HYOU1: variants seen among roughly 807,000 people sequenced by gnomAD.
The protein encoded by HYOU1 is hypoxia up-regulated 1.
Under a neutral mutation model 120.5 loss-of-function variants are expected in HYOU1, and 40 were observed. The ratio of observed to expected loss-of-function variants is 0.33; its 90% CI spans 0.26 to 0.43. The LOEUF (loss-of-function observed/expected upper bound fraction) is 0.43. Ranked by LOEUF, HYOU1 falls within the 20% of genes least tolerant of loss-of-function variation. The pLI, the probability that HYOU1 is intolerant of heterozygous loss-of-function variation, is 1.00. For missense variants in HYOU1, 1,085 were observed against 1,278.3 expected, an observed-to-expected ratio of 0.85 and a Z score of 2.31; for synonymous variants, 501 against 479.4, an observed-to-expected ratio of 1.05 and a Z score of -0.59.
chr11:119,047,566 G>A (rs2133557106), intron 22 of HYOU1, 168 bp downstream of exon 22: 15 of 620,604 alleles, frequency 2.4e-5, no homozygotes, highest in Non-Finnish European at 4.0e-5. Context: ...TATGGCCATG[G>A]CCCTTGCTTG....
Position 119,052,870 on chromosome 11 carries a change from T to C in HYOU1, c.795-41A>G, listed in dbSNP as rs1944529319. On this transcript the variant is annotated intron_variant, in intron 8 of 25. Coordinates refer to ENST00000617285, the MANE Select transcript of HYOU1 (RefSeq NM_006389.5). The surrounding 1 kb of genome is among the most constrained non-coding windows in gnomAD (Gnocchi z 5.0). ...AGCAGGGAAAAAAGTGAAGAACACATGGAGTCCCCGCATCTGCACAGGAGC... is the reference window on the plus strand; with the variant it reads ...AGCAGGGAAAAAAGTGAAGAACACACGGAGTCCCCGCATCTGCACAGGAGC... The C allele has an allele frequency of 6.4e-7, 1 of 1,570,276 alleles. No individual in the cohort carries two copies. The highest frequency in any genetic ancestry group is 8.7e-7 in the Non-Finnish European group (1 of 1,153,420).
chr11:119,045,870 A>G, intron 24 of HYOU1, 39 bp from the exon 25 acceptor site: 5 of 1,605,644 alleles, frequency 3.1e-6, no homozygotes, highest in Non-Finnish European at 4.3e-6. Context: ...CTCAGAAGGG[A>G]GGAAGAGGCT....
Position 119,054,657 on chromosome 11 carries a change from G to C in HYOU1, c.515C>G (p.Ala172Gly). Reference protein sequence around the residue: ...EDFAEQPIKDAVITVPVFFNQ... With the variant: ...EDFAEQPIKDGVITVPVFFNQ... ...GAAGAAGACTGGCACGGTGATCACT[G>C]CATCCTTGATGGGCTGCTCTACAGA... Residue 172 changes from alanine to glycine, a missense_variant, in exon 7 of 26, where the codon GCA (alanine) becomes GGA (glycine). By Grantham distance (60) the Ala-to-Gly change is moderately conservative. Transcript: ENST00000617285. 1 of 1,612,682 alleles carries C rather than the reference G, an allele frequency of 6.2e-7. No homozygotes were observed. The highest frequency in any genetic ancestry group is 8.5e-7 in the Non-Finnish European group (1 of 1,179,978).
chr11:119,052,564 C>T lies in HYOU1; in HGVS notation c.987+73G>A. 3 of 1,571,260 alleles carry T rather than the reference C, an allele frequency of 1.9e-6. No individual in the cohort carries two copies. Among genetic ancestry groups the T allele is most frequent in the Non-Finnish European group, 2.6e-6 (3 of 1,153,468 alleles). ...CATGGGCCATGCCAGGCACGAGCAG[C>T]CCAGTTCAGTGGCAGGGTCCCCCAC... On this transcript the variant is annotated intron_variant, in intron 9 of 25. Coordinates refer to ENST00000617285, the MANE Select transcript of HYOU1 (RefSeq NM_006389.5). The surrounding 1 kb of genome is among the most constrained non-coding windows in gnomAD (Gnocchi z 5.0).
chr11:119,047,914 C>A (rs1347820329), intron 21 of HYOU1, 33 bp downstream of exon 21: 25 of 1,613,878 alleles, frequency 1.5e-5, no homozygotes, highest in Non-Finnish European at 2.0e-5. Flanking sequence ...GTGGCCTTGG[C>A]AGGACTGCAA....
rs2133562775 is a variant in HYOU1, at chr11:119,048,322, G to A, written c.2302C>T (p.Arg768Cys). 9 of 1,610,568 alleles carry A rather than the reference G, an allele frequency of 5.6e-6. No individual in the cohort carries two copies. The highest frequency in any genetic ancestry group is 5.9e-6 in the Non-Finnish European group (7 of 1,179,964). ...CTGAGCTTCCCAGAGATCTCCTCAC[G>A]CTGCTCCTCTGTGGACACTTCCTGG... ...EYQEVSTEEQ[R>C]EEISGKLSAA... Residue 768 changes from arginine to cysteine, a missense_variant, in exon 20 of 26, where the codon CGT becomes TGT. Around this residue, in one of 4 missense-constraint regions of HYOU1, gnomAD observed 516 missense variants for 517.1 expected, o/e 1.00. Transcript: ENST00000617285. This position sits in a 1 kb window ranked among gnomAD's most constrained non-coding sequence, Gnocchi z 4.7.
In HYOU1 at chr11:119,048,628, G is replaced by A. The variant is rs2133566004; in HGVS notation, c.2166-65C>T. 1.7e-5 allele frequency: 28 copies of A among 1,607,808 alleles called. No individual in the cohort carries two copies. The highest frequency in any genetic ancestry group is 5.0e-5 in the Admixed American group (3 of 59,798). ...AGTGAGAACTTGAGACTCTGGGTCC[G>A]ACAGCCCTCCCTCCCAGGGCGCCAT... On this transcript the variant is annotated intron_variant, in intron 18 of 25. Transcript: ENST00000617285. This position sits in a 1 kb window ranked among gnomAD's most constrained non-coding sequence, Gnocchi z 4.7.
chr11:119,056,368 C>A, intron 1 of HYOU1: 1 of 663,310 alleles, frequency 1.5e-6, no homozygotes, highest in Non-Finnish European at 2.8e-6. Context: ...CACAAAGGCC[C>A]AAGTGAAAGA....
intron 24 of HYOU1, among the ~76,000 whole-genome samples, 164 bp from the exon 25 acceptor site, chr11:119,045,995 C>T (rs1944045219): frequency 6.6e-6 from 1 of 152,184 alleles, no homozygotes; most frequent in Admixed American, 6.5e-5. Flanking sequence ...GTCTCTGTTG[C>T]CCAGGCTGGA....
chr11:119,048,649 G>A lies in HYOU1; in HGVS notation c.2165+65C>T, dbSNP rs147525277. On this transcript the variant is annotated intron_variant, in intron 18 of 25. Coordinates refer to ENST00000617285, the MANE Select transcript of HYOU1 (RefSeq NM_006389.5). This position sits in a 1 kb window ranked among gnomAD's most constrained non-coding sequence, Gnocchi z 4.7. ...GTCCGACAGCCCTCCCTCCCAGGGC[G>A]CCATCCCACATCCTGCCCACCTTGC... 1,369 of 1,605,368 alleles carry A rather than the reference G, an allele frequency of 8.5e-4. 10 individuals carry two copies. The African/African-American group carries it at 0.014, about 17-fold the overall frequency.
chr11:119,049,178 CCCTCTGCAGGGCTCT>C lies in HYOU1; in HGVS notation c.1817_1831del (p.Glu606_Glu610del). On this transcript the variant is annotated inframe_deletion, in exon 17 of 26. Transcript: ENST00000617285. ...CTGCTCCCCAGGCTCGTCCTTGCTC[CCCTCTGCAGGGCTCT>C]CCTCTTCCTCCTGGGAAACACCACA... 2 of 1,606,200 alleles carry C rather than the reference CCCTCTGCAGGGCTCT, an allele frequency of 1.2e-6. No individual in the cohort carries two copies. The highest frequency in any genetic ancestry group is 1.7e-6 in the Non-Finnish European group (2 of 1,176,100).
chr11:119,051,133 C>T lies in HYOU1; in HGVS notation c.1567G>A (p.Gly523Arg), dbSNP rs1944413147. 6.2e-7 allele frequency: 1 copy of T among 1,614,206 alleles called. No homozygotes were observed. The highest frequency in any genetic ancestry group is 8.5e-7 in the Non-Finnish European group (1 of 1,180,038). Reference protein sequence around the residue: ...SQNLTTVKLKGVGDSFKKYPD... With the variant: ...SQNLTTVKLKRVGDSFKKYPD... Reference sequence around the variant, plus strand: ...TACTTCTTGAAGCTGTCACCCACCCCTTTTAGCTTCACTGTGGTCAGATTC... The same window carrying T: ...TACTTCTTGAAGCTGTCACCCACCCTTTTTAGCTTCACTGTGGTCAGATTC... The change falls in exon 14 of 26, where the codon GGG becomes AGG. Residue 523 changes from glycine (G) to arginine (R), a missense_variant. By Grantham distance (125) the Gly-to-Arg change is moderately radical (BLOSUM62 -2). Around this residue, in one of 4 missense-constraint regions of HYOU1, gnomAD observed 515 missense variants for 677.8 expected, o/e 0.76. Transcript: ENST00000617285. This position sits in a 1 kb window ranked among gnomAD's most constrained non-coding sequence, Gnocchi z 4.2.
intron 14 of HYOU1, among the ~76,000 whole-genome samples, chr11:119,050,808 T>C (rs541199371): frequency 2.7e-5 from 4 of 148,324 alleles, no homozygotes; most frequent in Admixed American, 6.8e-5. Flanking sequence ...ACAATGCCTA[T>C]ATCAAACCAT....
chr11:119,046,418 A>G lies in HYOU1; in HGVS notation c.2886T>C (p.Thr962=), dbSNP rs2134676721. Residue 962 remains threonine (T), a splice_region_variant and synonymous_variant, in exon 24 of 26, where the codon ACT becomes ACC. Coordinates refer to ENST00000617285, the MANE Select transcript of HYOU1 (RefSeq NM_006389.5). ...TCAACCATGGTTGCTCCAACTCACC[A>G]GTCTCTACTTTCTCAGGTTCTGAAA... ...EPISEPEKVE[T]GSEPGDTEPL... is the part of the protein sequence containing the mutation. 1 of 1,614,072 alleles carries G rather than the reference A, an allele frequency of 6.2e-7. No homozygotes were observed. The highest frequency in any genetic ancestry group is 8.5e-7 in the Non-Finnish European group (1 of 1,179,976).
Position 119,055,198 on chromosome 11 carries a change from A to G in HYOU1, c.406T>C (p.Phe136Leu), listed in dbSNP as rs2133611016. 7 of 1,613,952 alleles carry G rather than the reference A, an allele frequency of 4.3e-6. No individual in the cohort carries two copies. The South Asian group carries it at 7.7e-5, about 18-fold the overall frequency. Residue 136 changes from phenylalanine (F) to leucine (L), a missense_variant, in exon 5 of 26, where the codon TTT (phenylalanine) becomes CTT (leucine). Physicochemically the swap from Phe to Leu is conservative, Grantham distance 22 (BLOSUM62 0). Around this residue, in one of 4 missense-constraint regions of HYOU1, gnomAD observed 515 missense variants for 677.8 expected, o/e 0.76. Transcript: ENST00000617285. This position sits in a 1 kb window ranked among gnomAD's most constrained non-coding sequence, Gnocchi z 4.0. ...TFDPQRQTVHFQISSQLQFSP... is the reference protein window; with the variant it reads ...TFDPQRQTVHLQISSQLQFSP... Reference sequence around the variant, plus strand: ...CAGAGCACTCACGAGCTGATCTGAAAGTGCACAGTCTGCCTCTGTGGGTCG... The same window carrying G: ...CAGAGCACTCACGAGCTGATCTGAAGGTGCACAGTCTGCCTCTGTGGGTCG...
At chr11:119,053,970 C>A in intron 8 of HYOU1, 151 bp downstream of exon 8, 2 of 596,588 alleles carry the variant, frequency 3.4e-6, no homozygotes, top group Non-Finnish European at 6.0e-6. Flanking sequence ...TCCCCTTACT[C>A]TTTGTGAGTG....
intron 8 of HYOU1, chr11:119,053,412 T>C (rs1488306957): frequency 1.3e-5 from 2 of 152,900 alleles, no homozygotes; most frequent in Admixed American, 6.5e-5. Flanking sequence ...GCATGGCAAG[T>C]TCCGGAGGAG....
At chr11:119,049,936 G>T (rs1454740109) in intron 14 of HYOU1, 99 bp from the exon 15 acceptor site, 6 of 1,048,452 alleles carry the variant, frequency 5.7e-6, no homozygotes, top group Non-Finnish European at 8.9e-6. Context: ...ACTCCATGCC[G>T]TCACAGGCCT....
chr11:119,052,855 A>C lies in HYOU1; in HGVS notation c.795-26T>G. On this transcript the variant is annotated intron_variant, in intron 8 of 25. Coordinates refer to ENST00000617285, the MANE Select transcript of HYOU1 (RefSeq NM_006389.5). This position sits in a 1 kb window ranked among gnomAD's most constrained non-coding sequence, Gnocchi z 5.0. ...CTGTTGAGAAAAGGGAGCAGGGAAAAAAGTGAAGAACACATGGAGTCCCCG... is the reference window on the plus strand; with the variant it reads ...CTGTTGAGAAAAGGGAGCAGGGAAACAAGTGAAGAACACATGGAGTCCCCG... 1.9e-6 allele frequency: 3 copies of C among 1,598,678 alleles called. No individual in the cohort carries two copies. Among genetic ancestry groups the C allele is most frequent in the Non-Finnish European group, 2.6e-6 (3 of 1,171,706 alleles).
Sources: allele counts gnomAD v4.1 joint callset (sites outside exome capture counted in the v4.1 genomes callset), GRCh38; gene constraint gnomAD v4.1.1; regional missense constraint gnomAD v4.1.1; non-coding constraint Gnocchi (gnomAD v3.1); transcripts MANE v1.5; gene names NCBI Gene and HGNC (gene_info 2026-07-23, HGNC 2026-07-21).